The following ZNF71 variants were observed in gnomAD, a reference collection of about 807,000 sequenced individuals.
ZNF71 encodes the protein endothelial zinc finger protein induced by tumor necrosis factor alpha.
A neutral mutation model predicts 6.7 loss-of-function variants in ZNF71; 3 were observed. The observed-to-expected ratio is 0.45, with a 90% CI of 0.20 to 1.16. The LOEUF is 1.16. Ranked by LOEUF, ZNF71 falls within the 50% of genes most tolerant of loss-of-function variation. ZNF71 has a pLI of 0.25. For synonymous variants in ZNF71, 343 were observed against 311.1 expected (o/e 1.10, Z -1.08); for missense variants, 688 against 728.6 (o/e 0.94, Z 0.64).
chr19:56,622,013 C>G lies in ZNF71; in HGVS notation c.906C>G (p.Tyr302Ter). Residue 302 changes from tyrosine to a stop codon, truncating the protein, a stop_gained, in exon 4 of 4, where the codon TAC becomes TAG. Transcript: ENST00000599599. LOFTEE classifies it low-confidence loss of function (END_TRUNC). ...GGATCCACACGGGGGAGAAGCCCTA[C>G]GCGTGCGGGGACTGCGGCAAGGCCT... ...HERIHTGEKP[Y>*]ACGDCGKAFS... is the part of the protein sequence containing the mutation. 6.2e-7 allele frequency: 1 copy of G among 1,610,140 alleles called. No individual in the cohort carries two copies.
chr19:56,611,927 A>G (rs1454959287), intron 2 of ZNF71, among the ~76,000 whole-genome samples: 1 of 152,150 alleles, frequency 6.6e-6, no homozygotes, highest in Non-Finnish European at 1.5e-5. Flanking sequence ...TTCTTCACAC[A>G]GCCTTGTCCC....
At position 56,613,978 on chromosome 19, in the gene ZNF71, T is replaced by C; in HGVS notation, c.160+40T>C. ...CGTTGAGTTACTCATCATTGGCCCA[T>C]AACTTCAGGACCACAAATAAATTAA... On this transcript the variant is annotated intron_variant, in intron 3 of 3. Coordinates refer to ENST00000599599, the MANE Select transcript of ZNF71 (RefSeq NM_001370215.1). This position sits in a 1 kb window ranked among gnomAD's most constrained non-coding sequence, Gnocchi z 4.6. The C allele has an allele frequency of 5.6e-6, 6 of 1,062,794 alleles. No individual in the cohort carries two copies. The highest frequency in any genetic ancestry group is 7.0e-6 in the Non-Finnish European group (6 of 862,252). The allele number at this position is 1,062,794 out of a possible 1,614,324, so 65.8% of individuals were successfully genotyped here.
At chr19:56,615,810 A>T (rs2044786778) in intron 3 of ZNF71, among the ~76,000 whole-genome samples, 1 of 152,066 alleles carries the variant, frequency 6.6e-6, no homozygotes, top group Non-Finnish European at 1.5e-5. Flanking sequence ...CGATGTATCT[A>T]TTTTTTGTTG....
intron 3 of ZNF71, 95 bp from the exon 4 acceptor site, chr19:56,621,173 G>A: frequency 7.9e-7 from 1 of 1,273,482 alleles, no homozygotes; most frequent in Non-Finnish European, 1.1e-6. Context: ...GCCTCATTGG[G>A]GTCGGTTTCA....
intron 3 of ZNF71, among the ~76,000 whole-genome samples, chr19:56,617,680 G>C (rs1037894122): frequency 6.6e-5 from 10 of 152,196 alleles, no homozygotes; most frequent in Admixed American, 6.5e-4. Flanking sequence ...TAGAGAAAAG[G>C]TGTGATCGGG....
Position 56,622,919 on chromosome 19 carries a change from C to A in ZNF71, c.*162C>A. The A allele has an allele frequency of 1.1e-6, 1 of 911,432 alleles. No individual in the cohort carries two copies. The highest frequency in any genetic ancestry group is 1.6e-6 in the Non-Finnish European group (1 of 609,356). 56.5% of individuals were successfully genotyped at this position (911,432 alleles called of 1,614,324 possible). ...TGGAGGGGCTGGCTGATCACACATG[C>A]CCCCTCCTTACTGAGCCTCAGAAAG... On this transcript the variant is annotated 3_prime_UTR_variant, in exon 4 of 4. Coordinates refer to ENST00000599599, the MANE Select transcript of ZNF71 (RefSeq NM_001370215.1).
chr19:56,620,505 C>A (rs945045369), intron 3 of ZNF71, among the ~76,000 whole-genome samples: 2 of 152,066 alleles, frequency 1.3e-5, no homozygotes, highest in Middle Eastern at 6.8e-3. Flanking sequence ...TTTCTTTATT[C>A]TTTTTCTTCT....
chr19:56,614,182 A>G (rs988124290), intron 3 of ZNF71, among the ~76,000 whole-genome samples: 1 of 152,252 alleles, frequency 6.6e-6, no homozygotes, highest in Non-Finnish European at 1.5e-5. Flanking sequence ...TAAGCGAATA[A>G]TAGAATGGAC....
intron 1 of ZNF71, among the ~76,000 whole-genome samples, chr19:56,599,554 G>A (rs12973085): frequency 0.61 from 92,413 of 151,886 alleles, 28,935 homozygotes; most frequent in East Asian, 0.99. Flanking sequence ...TGTGTAGTGG[G>A]TTTATATATT....
In ZNF71 at chr19:56,608,031, A is replaced by G. The variant is rs549147622; in HGVS notation, c.34-5781A>G. ...GGCTTCCTCCAAAGTGAGTAATCCA[A>G]GGGAAAAAGAGGGAGTGTGCCCAGG... On this transcript the variant is annotated intron_variant, in intron 2 of 3. Transcript: ENST00000599599. Among the ~76,000 whole-genome samples, 357 of 152,306 alleles carry G rather than the reference A, an allele frequency of 2.3e-3. 4 individuals are homozygous for G. The highest frequency in any genetic ancestry group is 6.8e-3 in the Middle Eastern group (2 of 294).
At chr19:56,605,285 C>T (rs2044701493) in intron 2 of ZNF71, among the ~76,000 whole-genome samples, 1 of 152,072 alleles carries the variant, frequency 6.6e-6, no homozygotes, top group Admixed American at 6.5e-5. Flanking sequence ...CTGTAGGACA[C>T]AATAGGTCTC....
chr19:56,613,679 C>A lies in ZNF71; in HGVS notation c.34-133C>A. ...AAAACTGTGAGTGATCCCTTTAGAA[C>A]TCTGCATCTTATTGAAATCACTTCA... On this transcript the variant is annotated intron_variant, in intron 2 of 3. Coordinates refer to ENST00000599599, the MANE Select transcript of ZNF71 (RefSeq NM_001370215.1). The surrounding 1 kb of genome is among the most constrained non-coding windows in gnomAD (Gnocchi z 4.6). 4.2e-6 allele frequency: 3 copies of A among 711,442 alleles called. No homozygotes were observed. Among genetic ancestry groups the A allele is most frequent in the Non-Finnish European group, 5.2e-6 (3 of 571,874 alleles). The allele number at this position is 711,442 out of a possible 1,614,324, so 44.1% of individuals were successfully genotyped here. A position where few individuals can be genotyped will look rare whatever the true frequency, so the allele number is the denominator to read the frequency against.
chr19:56,617,553 A>G (rs12610113), intron 3 of ZNF71, among the ~76,000 whole-genome samples: 48,825 of 152,138 alleles, frequency 0.32, 9,856 homozygotes, highest in East Asian at 0.67. Context: ...ATCAAAAGGA[A>G]TGAATAGCGT....
intron 3 of ZNF71, among the ~76,000 whole-genome samples, chr19:56,619,740 A>T (rs1267145711): frequency 6.6e-6 from 1 of 152,184 alleles, no homozygotes; most frequent in African/African-American, 2.4e-5. Context: ...TGGATCATTT[A>T]TGTGGAGGAG....
At chr19:56,602,985 C>G (rs1464755443) in intron 2 of ZNF71, among the ~76,000 whole-genome samples, 1 of 152,158 alleles carries the variant, frequency 6.6e-6, no homozygotes, top group Non-Finnish European at 1.5e-5. Context: ...ACTTTTGAAT[C>G]TACCTGTAAT....
intron 1 of ZNF71, among the ~76,000 whole-genome samples, chr19:56,597,550 G>T (rs1022772874): frequency 6.6e-6 from 1 of 152,200 alleles, no homozygotes; most frequent in African/African-American, 2.4e-5. Context: ...TCACAAAGGG[G>T]CTAAAGGTAT....
chr19:56,616,241 A>G (rs1161875516), intron 3 of ZNF71, among the ~76,000 whole-genome samples: 1 of 152,222 alleles, frequency 6.6e-6, no homozygotes, highest in African/African-American at 2.4e-5. Flanking sequence ...TTATTGGGGT[A>G]TGTTGGGGGG....
intron 3 of ZNF71, among the ~76,000 whole-genome samples, chr19:56,617,112 G>GTTTTGTTTTTTTT (rs1555776017): frequency 1.4e-5 from 2 of 140,646 alleles, no homozygotes; most frequent in Non-Finnish European, 1.5e-5. Flanking sequence ...ATTTTCTTTT[G>GTTTTGTTTTTTTT]TTTTTTTTTG....
chr19:56,621,209 C>T lies in ZNF71; in HGVS notation c.161-59C>T, dbSNP rs1480139902. On this transcript the variant is annotated intron_variant, in intron 3 of 3. Coordinates refer to ENST00000599599, the MANE Select transcript of ZNF71 (RefSeq NM_001370215.1). Reference sequence around the variant, plus strand: ...TTTGCTCCTTCCTGCTGTGGAGCTTCCTCACTCCCAGCATCTTTAACTACA... The same window carrying T: ...TTTGCTCCTTCCTGCTGTGGAGCTTTCTCACTCCCAGCATCTTTAACTACA... 1.2e-5 allele frequency: 18 copies of T among 1,488,296 alleles called. 1 individual carries two copies. In the Admixed American group the frequency reaches 4.1e-4, roughly 34 times the overall value. 92.2% of individuals were successfully genotyped at this position (1,488,296 alleles called of 1,614,324 possible).
Sources: allele counts gnomAD v4.1 joint callset (sites outside exome capture counted in the v4.1 genomes callset), GRCh38; gene constraint gnomAD v4.1.1; non-coding constraint Gnocchi (gnomAD v3.1); transcripts MANE v1.5; gene names NCBI Gene and HGNC (gene_info 2026-07-23, HGNC 2026-07-21).